CD34: variants seen among roughly 807,000 people sequenced by gnomAD.
CD34 encodes CD34 molecule.
In CD34, 34 loss-of-function variants were observed where a neutral mutation model predicts 40.1. That is an observed-to-expected ratio of 0.85 (90% CI 0.65 to 1.13). The LOEUF is 1.13. Among genes scored for constraint, CD34 ranks in the 50% most tolerant of loss-of-function variants. The pLI, the probability that CD34 is intolerant of heterozygous loss-of-function variation, is 0.00. For synonymous variants in CD34, 209 were observed against 190.0 expected, an observed-to-expected ratio of 1.10 and a Z score of -0.82; for missense variants, 426 against 466.9, an observed-to-expected ratio of 0.91 and a Z score of 0.81.
intron 4 of CD34, among the ~76,000 whole-genome samples, chr1:207,893,035 T>C (rs1281278113): frequency 6.6e-6 from 1 of 152,170 alleles, no homozygotes; most frequent in Non-Finnish European, 1.5e-5. Context: ...CAAAGCACAA[T>C]GCTTCTCCGG....
In CD34 at chr1:207,899,937, A is replaced by G; in HGVS notation, c.146T>C (p.Phe49Ser). The change falls in exon 2 of 8, where the codon TTT (phenylalanine) becomes TCT (serine). Residue 49 changes from phenylalanine to serine, a missense_variant. Transcript: ENST00000310833. ...GGATACATTTGTAGAAACATTTGAA[A>G]ATGTTCCCTGGGTAGGTAACTCTGG... ...ATPELPTQGT[F>S]SNVSTNVSYQ... The G allele has an allele frequency of 6.2e-7, 1 of 1,614,036 alleles. No individual in the cohort carries two copies.
chr1:207,904,342 G>C (rs1662335787), intron 1 of CD34, among the ~76,000 whole-genome samples: 1 of 152,186 alleles, frequency 6.6e-6, no homozygotes, highest in Non-Finnish European at 1.5e-5. Flanking sequence ...TACAGAACTA[G>C]GATGAAGGGA....
intron 7 of CD34, 81 bp downstream of exon 7, chr1:207,888,601 C>T (rs1558117204): frequency 7.2e-7 from 1 of 1,380,088 alleles, no homozygotes; most frequent in Non-Finnish European, 1.0e-6. Flanking sequence ...AGTATTTCTC[C>T]TCCTGCTCCA....
Position 207,887,212 on chromosome 1 carries a change from G to A in CD34, c.*526C>T, listed in dbSNP as rs191658464. 462 of 155,582 alleles carry A rather than the reference G, an allele frequency of 3.0e-3. 3 individuals are homozygous for A. The highest frequency in any genetic ancestry group is 6.7e-3 in the Middle Eastern group (2 of 300). The allele number at this position is 155,582 out of a possible 1,614,324, so 9.6% of individuals were successfully genotyped here. ...ACCAAGTCCACAGTGTCTTGGAGGA[G>A]AGATGAGGGAAGTGGTTCAAGGCAA... On this transcript the variant is annotated 3_prime_UTR_variant, in exon 8 of 8. Coordinates refer to ENST00000310833, the MANE Select transcript of CD34 (RefSeq NM_001025109.2).
chr1:207,889,429 T>C lies in CD34; in HGVS notation c.754+36A>G, dbSNP rs1486245559. On this transcript the variant is annotated intron_variant, in intron 5 of 7. Transcript: ENST00000310833. ...CAGGATTCTCTAACCTCAGCCCTAC[T>C]CCTTCCCTGTTCCCCCAGGCAGAGG... is the stretch of plus-strand genomic sequence containing the variant. 21 of 1,589,246 alleles carry C rather than the reference T, an allele frequency of 1.3e-5. No homozygotes were observed. In the Admixed American group the frequency reaches 2.8e-4, roughly 21 times the overall value.
Position 207,887,631 on chromosome 1 carries a change from A to C in CD34, c.*107T>G. 1 of 1,487,688 alleles carries C rather than the reference A, an allele frequency of 6.7e-7. No individual in the cohort carries two copies. The highest frequency in any genetic ancestry group is 9.1e-7 in the Non-Finnish European group (1 of 1,098,510). The allele number at this position is 1,487,688 out of a possible 1,614,324, so 92.2% of individuals were successfully genotyped here. On this transcript the variant is annotated 3_prime_UTR_variant, in exon 8 of 8. Transcript: ENST00000310833. ...GCCTCTGAGGTGTGTGCAGTGGGGA[A>C]GGGTTGGGCGTAAGAGATGTCACCT...
At chr1:207,890,286 A>G (rs1571768328) in intron 4 of CD34, 4 of 975,410 alleles carry the variant, frequency 4.1e-6, no homozygotes, top group Non-Finnish European at 4.9e-6. Flanking sequence ...AACTCTGATA[A>G]TTCTTCAATA....
At chr1:207,897,293 G>A (rs1368942972) in intron 4 of CD34, among the ~76,000 whole-genome samples, 200 bp downstream of exon 4, 2 of 152,080 alleles carry the variant, frequency 1.3e-5, no homozygotes, top group Non-Finnish European at 2.9e-5. Flanking sequence ...AATTAAAATT[G>A]TTATTGTCTT....
chr1:207,896,668 T>C (rs1049972034), intron 4 of CD34, among the ~76,000 whole-genome samples: 1 of 152,038 alleles, frequency 6.6e-6, no homozygotes, highest in Non-Finnish European at 1.5e-5. Context: ...TGCTGAGAGA[T>C]GCAAAAGAAA....
At chr1:207,902,044 A>G (rs931951986) in intron 1 of CD34, among the ~76,000 whole-genome samples, 1 of 152,236 alleles carries the variant, frequency 6.6e-6, no homozygotes, top group Admixed American at 6.5e-5. Flanking sequence ...GGTTTCCCTA[A>G]AGGTGATGAC....
chr1:207,894,814 C>CA (rs60398622), intron 4 of CD34, among the ~76,000 whole-genome samples: 86 of 145,094 alleles, frequency 5.9e-4, no homozygotes, highest in East Asian at 2.6e-3. Flanking sequence ...GGCTGGGGAG[C>CA]AAAAAAAAAA....
Position 207,899,245 on chromosome 1 carries a change from T to C in CD34, c.263-19A>G. On this transcript the variant is annotated intron_variant, in intron 2 of 7. Transcript: ENST00000310833. ...GTCGTTTCTGGAAGAGACCAAAACA[T>C]GGGTGTGCATGTGTGCATGTGCTCA... 1.9e-6 allele frequency: 3 copies of C among 1,612,602 alleles called. No individual in the cohort carries two copies. The highest frequency in any genetic ancestry group is 2.5e-6 in the Non-Finnish European group (3 of 1,178,994).
chr1:207,895,147 A>AAATT (rs777650306), intron 4 of CD34, among the ~76,000 whole-genome samples: 1 of 152,200 alleles, frequency 6.6e-6, no homozygotes, highest in Non-Finnish European at 1.5e-5. Context: ...AACCTAAGGA[A>AAATT]AATTAGGAGG....
chr1:207,895,122 C>T (rs893055855), intron 4 of CD34, among the ~76,000 whole-genome samples: 7 of 152,138 alleles, frequency 4.6e-5, no homozygotes, highest in Non-Finnish European at 1.0e-4. Flanking sequence ...CCTCTGACAC[C>T]GAAAGTACAA....
chr1:207,889,676 A>T (rs753232912), intron 4 of CD34, 55 bp from the exon 5 acceptor site: 1 of 1,610,610 alleles, frequency 6.2e-7, no homozygotes, highest in South Asian at 1.1e-5. Context: ...CTCTGCCCTA[A>T]ACTGCACCCA....
Position 207,887,064 on chromosome 1 carries a change from G to C in CD34, c.*674C>G, listed in dbSNP as rs1316546773. ...GCCCCAGAGAGACTAGAACTGAGCTGTTTGTCCTAAAACTTGGGAGGCCTG... is the reference window on the plus strand; with the variant it reads ...GCCCCAGAGAGACTAGAACTGAGCTCTTTGTCCTAAAACTTGGGAGGCCTG... On this transcript the variant is annotated 3_prime_UTR_variant, in exon 8 of 8. Transcript: ENST00000310833. 1 of 152,752 alleles carries C rather than the reference G, an allele frequency of 6.5e-6. No individual in the cohort carries two copies. Among genetic ancestry groups the C allele is most frequent in the Non-Finnish European group, 1.5e-5 (1 of 68,170 alleles). The allele number at this position is 152,752 out of a possible 1,614,324, so 9.5% of individuals were successfully genotyped here. A position where few individuals can be genotyped will look rare whatever the true frequency, so the allele number is the denominator to read the frequency against.
chr1:207,910,457 C>A (rs547595044), intron 1 of CD34, among the ~76,000 whole-genome samples: 1 of 152,136 alleles, frequency 6.6e-6, no homozygotes, highest in Non-Finnish European at 1.5e-5. Context: ...ACGGACTGTT[C>A]ATTCCGAACA....
chr1:207,896,730 A>T (rs1239231410), intron 4 of CD34, among the ~76,000 whole-genome samples: 4 of 151,684 alleles, frequency 2.6e-5, no homozygotes, highest in Non-Finnish European at 5.9e-5. Context: ...ATTTTAAAGC[A>T]TTTTTTTTGC....
At position 207,883,973 on chromosome 1, in the gene CD34, C is replaced by T. The variant is rs1464455428; in HGVS notation, c.*3765G>A. 6.6e-6 allele frequency: 1 copy of T among 152,190 alleles called. No individual in the cohort carries two copies. The highest frequency in any genetic ancestry group is 2.4e-5 in the African/African-American group (1 of 41,426). The allele number at this position is 152,190 out of a possible 1,614,324, so 9.4% of individuals were successfully genotyped here. ...ACATAAAGCAGATGATATGACTTCT[C>T]TGCTCAAAACCCTCCAGTGGCTTCC... On this transcript the variant is annotated 3_prime_UTR_variant, in exon 8 of 8. Transcript: ENST00000310833.
Sources: gnomAD v4.1 joint callset for allele counts (sites outside exome capture counted in the v4.1 genomes callset) on GRCh38, gnomAD v4.1.1 for gene constraint, MANE v1.5 for transcripts, NCBI Gene and HGNC (gene_info 2026-07-23, HGNC 2026-07-21) for gene names.